SLCO5A1: variants seen among roughly 807,000 people sequenced by gnomAD.
SLCO5A1 encodes the protein organic anion transporter polypeptide-related protein 4.
SLCO5A1 carries 39 observed loss-of-function variants against 65.1 expected under a neutral mutation model. That is an observed-to-expected ratio of 0.60 (90% CI 0.46 to 0.78). The LOEUF (loss-of-function observed/expected upper bound fraction) is 0.78. SLCO5A1 is among the 30% of genes least tolerant of loss of function. The pLI, the probability that SLCO5A1 is intolerant of heterozygous loss-of-function variation, is 0.00. For missense variants in SLCO5A1, 1,029 were observed against 1,069.4 expected, an observed-to-expected ratio of 0.96 and a Z score of 0.53; for synonymous variants, 438 against 415.7, an observed-to-expected ratio of 1.05 and a Z score of -0.65.
chr8:69,731,685 G>C (rs1318092537), intron 5 of SLCO5A1, among the ~76,000 whole-genome samples: 1 of 152,186 alleles, frequency 6.6e-6, no homozygotes, highest in Non-Finnish European at 1.5e-5. Flanking sequence ...CTCCCCAAAA[G>C]ACAAAGAGCC....
chr8:69,816,697 C>T (rs1820425025), intron 2 of SLCO5A1, among the ~76,000 whole-genome samples: 1 of 152,160 alleles, frequency 6.6e-6, no homozygotes, highest in East Asian at 1.9e-4. Flanking sequence ...TCTTAACGTG[C>T]CTACTCTAAA....
chr8:69,708,547 C>A (rs749861200), intron 5 of SLCO5A1, among the ~76,000 whole-genome samples: 32 of 129,164 alleles, frequency 2.5e-4, no homozygotes, highest in East Asian at 2.2e-4. Flanking sequence ...GTAACAAGAG[C>A]AAGACACTGT....
chr8:69,743,846 C>T (rs1284127852), intron 4 of SLCO5A1, among the ~76,000 whole-genome samples: 1 of 152,176 alleles, frequency 6.6e-6, no homozygotes, highest in Non-Finnish European at 1.5e-5. Flanking sequence ...TGGCCAAAAA[C>T]CCCTTGGCTT....
Position 69,668,000 on chromosome 8 carries a change from T to C in SLCO5A1, c.*4869A>G, listed in dbSNP as rs1473702961. ...AAATACTGTGAATTCAGTGGCGCTT[T>C]TTAGTGGTGAACATGCGTCATTAAA... On this transcript the variant is annotated 3_prime_UTR_variant, in exon 10 of 10. Coordinates refer to ENST00000260126, the MANE Select transcript of SLCO5A1 (RefSeq NM_030958.3). The C allele has an allele frequency of 1.3e-5, 2 of 152,218 alleles. No homozygotes were observed. Among genetic ancestry groups the C allele is most frequent in the South Asian group, 2.1e-4 (1 of 4,828 alleles). 9.4% of individuals were successfully genotyped at this position (152,218 alleles called of 1,614,324 possible).
At chr8:69,778,351 C>G (rs565736964) in intron 2 of SLCO5A1, among the ~76,000 whole-genome samples, 1 of 151,046 alleles carries the variant, frequency 6.6e-6, no homozygotes, top group Admixed American at 6.6e-5. Flanking sequence ...AAGGAAGGAC[C>G]AGAGATCTAA....
chr8:69,742,811 T>TTTTTTTTG, intron 4 of SLCO5A1, among the ~76,000 whole-genome samples: 1 of 143,282 alleles, frequency 7.0e-6, no homozygotes, highest in Non-Finnish European at 1.5e-5. Flanking sequence ...TTTTTTTTTT[T>TTTTTTTTG]TTTTTTTGAG....
At chr8:69,684,411 C>A (rs1321914744) in intron 6 of SLCO5A1, among the ~76,000 whole-genome samples, 2 of 152,120 alleles carry the variant, frequency 1.3e-5, no homozygotes, top group Non-Finnish European at 2.9e-5. Flanking sequence ...AAGAAACTGG[C>A]CAAATCCAGG....
intron 6 of SLCO5A1, chr8:69,704,761 A>G (rs1460131339): frequency 4.8e-6 from 2 of 412,830 alleles, no homozygotes; most frequent in East Asian, 4.2e-5. Context: ...AACAATTTTC[A>G]TTAATCCAAT....
At chr8:69,722,703 G>C (rs767016133) in intron 5 of SLCO5A1, among the ~76,000 whole-genome samples, 3 of 151,884 alleles carry the variant, frequency 2.0e-5, no homozygotes, top group Non-Finnish European at 4.4e-5. Flanking sequence ...CATTTTTTCA[G>C]TTAGTTACAC....
chr8:69,700,372 G>T, intron 6 of SLCO5A1: 1 of 152,226 alleles, frequency 6.6e-6, no homozygotes. Context: ...GGTCAAAGAG[G>T]GCAACCTTCT....
intron 2 of SLCO5A1, among the ~76,000 whole-genome samples, chr8:69,787,012 T>G (rs1244264263): frequency 2.0e-5 from 3 of 152,186 alleles, no homozygotes; most frequent in Non-Finnish European, 4.4e-5. Context: ...AGGAAACCTG[T>G]TTGTAACCCA....
intron 2 of SLCO5A1, chr8:69,773,024 G>A (rs1818402824): frequency 1.1e-6 from 1 of 945,796 alleles, no homozygotes; most frequent in South Asian, 4.9e-5. Flanking sequence ...GGAGGACAGA[G>A]AAGGCTTCAT....
Position 69,682,358 on chromosome 8 carries a change from A to T in SLCO5A1, c.1623-15T>A, listed in dbSNP as rs566985628. On this transcript the variant is annotated splice_polypyrimidine_tract_variant and intron_variant, in intron 6 of 9. Coordinates refer to ENST00000260126, the MANE Select transcript of SLCO5A1 (RefSeq NM_030958.3). ...TGAGAGAAGGTCTAAGAGAGAAGAG[A>T]AGCAGATCATGAGCAACACTTACCA... The T allele has an allele frequency of 1.9e-6, 3 of 1,543,752 alleles. No individual in the cohort carries two copies. The highest frequency in any genetic ancestry group is 2.2e-5 in the Admixed American group (1 of 45,774).
At position 69,679,401 on chromosome 8, in the gene SLCO5A1, T is replaced by C; in HGVS notation, c.2001A>G (p.Pro667=). The C allele has an allele frequency of 1.2e-6, 2 of 1,614,180 alleles. No homozygotes were observed. The highest frequency in any genetic ancestry group is 1.6e-4 in the Middle Eastern group (1 of 6,062). The part of the protein sequence containing the change: ...IVTFITACAQ[P]SAIIVTLRSV... ...ACCTGAGTGTTACTATGATAGCTGA[T>C]GGTTGGGCACATGCTGTGATGAAGG... Residue 667 remains proline, a synonymous_variant, in exon 8 of 10, where the codon CCA becomes CCG. Coordinates refer to ENST00000260126, the MANE Select transcript of SLCO5A1 (RefSeq NM_030958.3).
chr8:69,679,403 G>A lies in SLCO5A1; in HGVS notation c.1999C>T (p.Pro667Ser), dbSNP rs1232225355. The change falls in exon 8 of 10, where the codon CCA becomes TCA. Residue 667 changes from proline to serine, a missense_variant. Around this residue, in one of 3 missense-constraint regions of SLCO5A1, gnomAD observed 258 missense variants for 237.4 expected, o/e 1.09. Coordinates refer to ENST00000260126, the MANE Select transcript of SLCO5A1 (RefSeq NM_030958.3). ...IVTFITACAQ[P>S]SAIIVTLRSV... ...CTGAGTGTTACTATGATAGCTGATGGTTGGGCACATGCTGTGATGAAGGTG... is the reference window on the plus strand; with the variant it reads ...CTGAGTGTTACTATGATAGCTGATGATTGGGCACATGCTGTGATGAAGGTG... 3 of 1,614,080 alleles carry A rather than the reference G, an allele frequency of 1.9e-6. No homozygotes were observed. Among genetic ancestry groups the A allele is most frequent in the African/African-American group, 1.3e-5 (1 of 74,916 alleles).
At chr8:69,829,673 C>CTCAA (rs35168034) in intron 2 of SLCO5A1, among the ~76,000 whole-genome samples, 19,288 of 151,874 alleles carry the variant, frequency 0.13, 1,414 homozygotes, top group African/African-American at 0.21. Context: ...AAGACCCTGT[C>CTCAA]TCAATCAATC....
intron 2 of SLCO5A1, among the ~76,000 whole-genome samples, chr8:69,787,925 G>T (rs959699756): frequency 6.6e-6 from 1 of 152,094 alleles, no homozygotes; most frequent in African/African-American, 2.4e-5. Flanking sequence ...TTTTTACAAT[G>T]TACATGATAT....
intron 8 of SLCO5A1, 46 bp from the exon 9 acceptor site, chr8:69,676,719 A>G: frequency 6.5e-7 from 1 of 1,545,372 alleles, no homozygotes; most frequent in Non-Finnish European, 8.9e-7. Context: ...TAGTAGCCCC[A>G]AGAAAATGAA....
rs1813298285 is a variant in SLCO5A1 at position 69,670,440 on chromosome 8, T to A, written c.*2429A>T. The stretch of plus-strand genomic sequence containing the variant: ...TTGGTACATATTCCAAAGCTTTATT[T>A]TCTCATGATTTTTACTACTTAGTCT... On this transcript the variant is annotated 3_prime_UTR_variant, in exon 10 of 10. Transcript: ENST00000260126. The A allele has an allele frequency of 6.6e-6, 1 of 152,226 alleles. No homozygotes were observed. The highest frequency in any genetic ancestry group is 1.5e-5 in the Non-Finnish European group (1 of 68,046). The allele number at this position is 152,226 out of a possible 1,614,324, so 9.4% of individuals were successfully genotyped here. A position where few individuals can be genotyped will look rare whatever the true frequency, so the allele number is the denominator to read the frequency against.
Sources: allele counts gnomAD v4.1 joint callset (sites outside exome capture counted in the v4.1 genomes callset), GRCh38; gene constraint gnomAD v4.1.1; regional missense constraint gnomAD v4.1.1; transcripts MANE v1.5; gene names NCBI Gene and HGNC (gene_info 2026-07-23, HGNC 2026-07-21).